Variants in CYFIP2 observed in about 807,000 individuals in gnomAD.
The protein encoded by CYFIP2 is cytoplasmic FMR1-interacting protein 2.
In CYFIP2, 29 loss-of-function variants were observed where a neutral mutation model predicts 158.7. That is an observed-to-expected ratio of 0.18 (90% CI 0.14 to 0.25). The LOEUF is 0.25. Among genes scored for constraint, CYFIP2 ranks in the 10% least tolerant of loss-of-function variants. The pLI is 1.00. For missense variants in CYFIP2, 852 were observed against 1,639.5 expected, an observed-to-expected ratio of 0.52 and a Z score of 8.29; for synonymous variants, 585 against 617.6, an observed-to-expected ratio of 0.95 and a Z score of 0.78.
chr5:157,340,968 T>C (rs1457226907), intron 22 of CYFIP2, 102 bp from the exon 23 acceptor site: 1 of 1,066,318 alleles, frequency 9.4e-7, no homozygotes, highest in East Asian at 2.4e-5. Context: ...CTTGTACCAG[T>C]GCAAACCTTC....
rs17054444 is a variant in CYFIP2 at position 157,312,808 on chromosome 5, C to T, written c.1110+1027C>T. 6.5e-3 allele frequency among the ~76,000 whole-genome samples: 984 copies of T among 152,310 alleles called. 14 individuals are homozygous for T. The highest frequency in any genetic ancestry group is 0.022 in the African/African-American group (924 of 41,560). Reference sequence around the variant, plus strand: ...ACTTTAGCTTTCTAAATATATGTACCAATCCGTTGAACTGAAGTTACAGGA... The same window carrying T: ...ACTTTAGCTTTCTAAATATATGTACTAATCCGTTGAACTGAAGTTACAGGA... On this transcript the variant is annotated intron_variant, in intron 11 of 30. Coordinates refer to ENST00000620254, the MANE Select transcript of CYFIP2 (RefSeq NM_001037333.3).
chr5:157,307,653 G>GTGTA (rs1265322555), intron 8 of CYFIP2, 108 bp from the exon 9 acceptor site: 3 of 618,782 alleles, frequency 4.8e-6, no homozygotes, highest in Non-Finnish European at 5.9e-6. Flanking sequence ...GTGTGTGTGT[G>GTGTA]TGTATGTGTG....
chr5:157,376,237 CTT>C (rs1011646718), intron 26 of CYFIP2: 2 of 152,338 alleles, frequency 1.3e-5, no homozygotes, highest in Non-Finnish European at 2.9e-5. Context: ...GTTTCTCTCT[CTT>C]CTCAGTCTCC....
In CYFIP2 at chr5:157,393,122, C is replaced by A; in HGVS notation, c.*122C>A. The A allele has an allele frequency of 1.8e-6, 2 of 1,126,264 alleles. No individual in the cohort carries two copies. Among genetic ancestry groups the A allele is most frequent in the Non-Finnish European group, 2.5e-6 (2 of 803,394 alleles). The allele number at this position is 1,126,264 out of a possible 1,614,324, so 69.8% of individuals were successfully genotyped here. On this transcript the variant is annotated 3_prime_UTR_variant, in exon 31 of 31. Transcript: ENST00000620254. The stretch of plus-strand genomic sequence containing the variant: ...GGGATGGACCTGGAAACAAGCACCT[C>A]CCCAAACACATCACCACTCCCTAGG...
intron 8 of CYFIP2, among the ~76,000 whole-genome samples, chr5:157,305,651 C>T (rs1759153144): frequency 6.6e-6 from 1 of 152,292 alleles, no homozygotes; most frequent in South Asian, 2.1e-4. Context: ...GCTGGGACTA[C>T]AGGCACATGC....
intron 20 of CYFIP2, among the ~76,000 whole-genome samples, chr5:157,332,667 A>G (rs1761555560): frequency 6.6e-6 from 1 of 152,192 alleles, no homozygotes; most frequent in African/African-American, 2.4e-5. Flanking sequence ...TTTAAGAGAC[A>G]GGGTCTCTTT....
At chr5:157,347,293 C>T (rs1762765035) in intron 23 of CYFIP2, among the ~76,000 whole-genome samples, 1 of 134,466 alleles carries the variant, frequency 7.4e-6, no homozygotes, top group South Asian at 2.4e-4. Context: ...TATAGAAAGA[C>T]TTTTTCCCTT....
intron 1 of CYFIP2, among the ~76,000 whole-genome samples, chr5:157,267,421 G>C (rs1482943938): frequency 1.3e-5 from 2 of 152,070 alleles, no homozygotes; most frequent in Non-Finnish European, 2.9e-5. Flanking sequence ...CAGCAACCTG[G>C]GTCCCTGAGA....
intron 28 of CYFIP2, among the ~76,000 whole-genome samples, chr5:157,383,981 C>T (rs185124216): frequency 2.0e-5 from 3 of 152,190 alleles, no homozygotes; most frequent in African/African-American, 7.2e-5. Context: ...TAAATGCACA[C>T]AACAAAACCA....
At chr5:157,327,840 T>C (rs1000605309) in intron 18 of CYFIP2, 133 bp from the exon 19 acceptor site, 2 of 739,818 alleles carry the variant, frequency 2.7e-6, no homozygotes, top group Non-Finnish European at 4.5e-6. Context: ...CACAGAATAT[T>C]TTTCCCCTTC....
chr5:157,338,542 A>C (rs1762018974), intron 21 of CYFIP2, among the ~76,000 whole-genome samples: 1 of 152,266 alleles, frequency 6.6e-6, no homozygotes, highest in Non-Finnish European at 1.5e-5. Context: ...TACTGACCTC[A>C]TAGGGTTTGA....
chr5:157,328,685 G>A (rs193239614), intron 19 of CYFIP2, among the ~76,000 whole-genome samples: 2 of 152,318 alleles, frequency 1.3e-5, no homozygotes, highest in Non-Finnish European at 2.9e-5. Flanking sequence ...GAATGCCTCC[G>A]AATGGTTTCA....
chr5:157,311,858 T>G lies in CYFIP2; in HGVS notation c.1110+77T>G. On this transcript the variant is annotated intron_variant, in intron 11 of 30. Transcript: ENST00000620254. This position sits in a 1 kb window ranked among gnomAD's most constrained non-coding sequence, Gnocchi z 4.7. The stretch of plus-strand genomic sequence containing the variant: ...GGTAAGGAGCAGCCAGGAAAGAACA[T>G]GGACCCACGGAACACTGGAGAGTAG... 7.5e-7 allele frequency: 1 copy of G among 1,338,754 alleles called. No individual in the cohort carries two copies. Among genetic ancestry groups the G allele is most frequent in the East Asian group, 2.5e-5 (1 of 39,676 alleles). 82.9% of individuals were successfully genotyped at this position (1,338,754 alleles called of 1,614,324 possible). A position where few individuals can be genotyped will look rare whatever the true frequency, so the allele number is the denominator to read the frequency against.
chr5:157,364,201 T>TGGGGG (rs1330747273), intron 26 of CYFIP2: 7 of 15,104 alleles, frequency 4.6e-4, no homozygotes, highest in East Asian at 1.9e-3. Context: ...TGGGGCGGGG[T>TGGGGG]GGCGGGGGGG....
rs1453047125 is a variant in CYFIP2, at chr5:157,314,365, G to A, written c.1132G>A (p.Asp378Asn). 1.2e-6 allele frequency: 2 copies of A among 1,613,898 alleles called. No individual in the cohort carries two copies. The highest frequency in any genetic ancestry group is 1.7e-5 in the Admixed American group (1 of 60,026). Residue 378 changes from aspartate (D) to asparagine (N), a missense_variant, in exon 12 of 31, where the codon GAC (aspartate) becomes AAC (asparagine). Asp to Asn is a conservative substitution (Grantham distance 23). Transcript: ENST00000620254. ...CCAGGTGGTGACGGGCTCAGGGCTGGACAGCCAGAAGTCAGACGAGGAGTA... is the reference window on the plus strand; with the variant it reads ...CCAGGTGGTGACGGGCTCAGGGCTGAACAGCCAGAAGTCAGACGAGGAGTA... ...NSEVVTGSGL[D>N]SQKSDEEYRE...
At chr5:157,305,614 G>T (rs541792509) in intron 8 of CYFIP2, among the ~76,000 whole-genome samples, 1 of 152,276 alleles carries the variant, frequency 6.6e-6, no homozygotes, top group South Asian at 2.1e-4. Flanking sequence ...AGGCTCAAGC[G>T]ATCCTCCCAC....
intron 26 of CYFIP2, among the ~76,000 whole-genome samples, chr5:157,379,032 C>T (rs1765776388): frequency 6.6e-6 from 1 of 152,142 alleles, no homozygotes; most frequent in African/African-American, 2.4e-5. Flanking sequence ...ACCTGCATTC[C>T]CAATTCCCAG....
At chr5:157,357,122 G>A (rs150810019) in intron 23 of CYFIP2, among the ~76,000 whole-genome samples, 1 of 152,274 alleles carries the variant, frequency 6.6e-6, no homozygotes, top group East Asian at 1.9e-4. Context: ...CCAATATCTA[G>A]GCATGAGCTC....
At position 157,394,577 on chromosome 5, in the gene CYFIP2, C is replaced by G. The variant is rs902071422; in HGVS notation, c.*1577C>G. On this transcript the variant is annotated 3_prime_UTR_variant, in exon 31 of 31. Coordinates refer to ENST00000620254, the MANE Select transcript of CYFIP2 (RefSeq NM_001037333.3). ...ATTCCTGGGCCCCACCTCAAACCTA[C>G]TAATTCTGAATCTCTGGGAATAGGG... 1 of 152,208 alleles carries G rather than the reference C, an allele frequency of 6.6e-6. No homozygotes were observed. The highest frequency in any genetic ancestry group is 1.5e-5 in the Non-Finnish European group (1 of 68,040). 9.4% of individuals were successfully genotyped at this position (152,208 alleles called of 1,614,324 possible).
Sources: gnomAD v4.1 joint callset for allele counts (sites outside exome capture counted in the v4.1 genomes callset) on GRCh38, gnomAD v4.1.1 for gene constraint, Gnocchi (gnomAD v3.1) non-coding constraint, MANE v1.5 for transcripts, NCBI Gene and HGNC (gene_info 2026-07-23, HGNC 2026-07-21) for gene names.